SUSD5: variants seen among roughly 807,000 people sequenced by gnomAD.
The protein encoded by SUSD5 is sushi domain-containing protein 5.
A neutral mutation model predicts 29.5 loss-of-function variants in SUSD5; 33 were observed. The observed-to-expected ratio is 1.12, with a 90% CI of 0.85 to 1.49. SUSD5 has a LOEUF of 1.49. SUSD5 is among the 40% of genes most tolerant of loss of function. SUSD5 has a pLI of 0.00. For synonymous variants in SUSD5, 308 were observed against 325.3 expected (o/e 0.95, Z 0.57); for missense variants, 776 against 800.6 (o/e 0.97, Z 0.37).
At chr3:33,200,969 T>G (rs1451612691) in intron 3 of SUSD5, among the ~76,000 whole-genome samples, 1 of 152,132 alleles carries the variant, frequency 6.6e-6, no homozygotes, top group Non-Finnish European at 1.5e-5. Context: ...AATAAATGAT[T>G]TAAAGATGGA....
intron 4 of SUSD5, among the ~76,000 whole-genome samples, chr3:33,157,797 T>C (rs930328173): frequency 2.6e-5 from 4 of 152,114 alleles, no homozygotes; most frequent in Admixed American, 6.5e-5. Context: ...GAAGGAGAGG[T>C]AAACGTCCCA....
intron 3 of SUSD5, among the ~76,000 whole-genome samples, chr3:33,199,381 C>T (rs1414545779): frequency 1.3e-5 from 2 of 152,196 alleles, no homozygotes; most frequent in Admixed American, 6.5e-5. Flanking sequence ...TCACACCATT[C>T]TCCTGCCTCA....
chr3:33,189,913 C>T (rs572631070), intron 3 of SUSD5, among the ~76,000 whole-genome samples: 16 of 152,270 alleles, frequency 1.1e-4, no homozygotes, highest in Admixed American at 7.2e-4. Flanking sequence ...ATATATAAAA[C>T]CAATCTCCAA....
chr3:33,196,956 C>T (rs1031253747), intron 3 of SUSD5, among the ~76,000 whole-genome samples: 5 of 152,128 alleles, frequency 3.3e-5, no homozygotes, highest in Admixed American at 2.6e-4. Context: ...CTTTGTTGTG[C>T]CTAGTTACTC....
intron 3 of SUSD5, among the ~76,000 whole-genome samples, chr3:33,178,739 G>A (rs1421825643): frequency 3.9e-5 from 6 of 152,122 alleles, no homozygotes; most frequent in South Asian, 2.1e-4. Flanking sequence ...CGCCTGGCCC[G>A]GTCTGTAGTC....
At chr3:33,210,245 A>G (rs1046817659) in intron 2 of SUSD5, among the ~76,000 whole-genome samples, 1 of 152,200 alleles carries the variant, frequency 6.6e-6, no homozygotes, top group Non-Finnish European at 1.5e-5. Context: ...ATGGCTATAG[A>G]GTATTTGAAG....
chr3:33,170,396 G>C (rs1308479407), intron 4 of SUSD5, among the ~76,000 whole-genome samples: 1 of 152,306 alleles, frequency 6.6e-6, no homozygotes, highest in South Asian at 2.1e-4. Flanking sequence ...GAACTCTAGG[G>C]ACCAGAGCTA....
chr3:33,175,848 TCACC>T (rs955379972), intron 3 of SUSD5, among the ~76,000 whole-genome samples: 16 of 152,276 alleles, frequency 1.1e-4, no homozygotes, highest in Non-Finnish European at 1.9e-4. Flanking sequence ...TACCTCATTA[TCACC>T]CAAAGTCCAT....
chr3:33,201,622 G>A (rs2032118763), intron 3 of SUSD5, among the ~76,000 whole-genome samples: 2 of 152,174 alleles, frequency 1.3e-5, no homozygotes. Flanking sequence ...TGCCCACCTA[G>A]GCCTGGGTGT....
intron 4 of SUSD5, among the ~76,000 whole-genome samples, chr3:33,158,852 C>A (rs1465869081): frequency 6.6e-6 from 1 of 152,168 alleles, no homozygotes; most frequent in Non-Finnish European, 1.5e-5. Flanking sequence ...GCCATCACTT[C>A]ATGCACCAGC....
intron 1 of SUSD5, 42 bp downstream of exon 1, chr3:33,218,644 C>A (rs1253736476): frequency 3.2e-6 from 4 of 1,260,404 alleles, no homozygotes; most frequent in African/African-American, 3.1e-5. Flanking sequence ...CTGCCCGGAC[C>A]CCACGCTCCA....
intron 3 of SUSD5, among the ~76,000 whole-genome samples, chr3:33,189,795 T>G (rs992196710): frequency 3.9e-5 from 6 of 152,190 alleles, no homozygotes; most frequent in African/African-American, 1.4e-4. Context: ...GCCTTTGCCT[T>G]TAAGATGCAG....
Position 33,153,564 on chromosome 3 carries a change from G to GCTGT in SUSD5, c.1064_1067dup (p.Ser356ArgfsTer13). The GCTGT allele has an allele frequency of 6.2e-7, 1 of 1,613,968 alleles. No individual in the cohort carries two copies. The highest frequency in any genetic ancestry group is 8.5e-7 in the Non-Finnish European group (1 of 1,179,906). On this transcript the variant is annotated frameshift_variant, in exon 5 of 5. Coordinates refer to ENST00000309558, the MANE Select transcript of SUSD5 (RefSeq NM_015551.2). LOFTEE classifies it low-confidence loss of function (END_TRUNC). ...TGCTCACCACTGGATCTCCTGCCTT[G>GCTGT]CTGTCATTCTTGCCCACAAATGGCC... is the stretch of plus-strand genomic sequence containing the variant.
At chr3:33,183,388 G>GT (rs2031713431) in intron 3 of SUSD5, among the ~76,000 whole-genome samples, 1 of 151,538 alleles carries the variant, frequency 6.6e-6, no homozygotes, top group Admixed American at 6.6e-5. Context: ...CTTTCTTAAC[G>GT]TATCAATTAT....
At position 33,179,722 on chromosome 3, in the gene SUSD5, A is replaced by G. The variant is rs530687137; in HGVS notation, c.410-4648T>C. Among the ~76,000 whole-genome samples the G allele has an allele frequency of 2.6e-5, 4 of 152,276 alleles. No individual in the cohort carries two copies. The East Asian group carries it at 7.7e-4, about 29-fold the overall frequency. ...TCATAGTCTGGCTAGAGGCTTATCC[A>G]TTTTATTGCTCTTTTCAAAAAACCA... On this transcript the variant is annotated intron_variant, in intron 3 of 4. Transcript: ENST00000309558.
chr3:33,215,277 T>C (rs937100114), intron 1 of SUSD5, among the ~76,000 whole-genome samples: 2 of 152,098 alleles, frequency 1.3e-5, no homozygotes, highest in African/African-American at 2.4e-5. Context: ...TTAGCACTCT[T>C]GATGTAAGAA....
At chr3:33,175,123 T>C (rs2031522796) in intron 3 of SUSD5, 49 bp from the exon 4 acceptor site, 1 of 1,596,212 alleles carries the variant, frequency 6.3e-7, no homozygotes, top group Non-Finnish European at 8.6e-7. Context: ...GCGGAACTTT[T>C]TCAGCCTATG....
intron 3 of SUSD5, among the ~76,000 whole-genome samples, chr3:33,197,032 A>G (rs2032009715): frequency 6.6e-6 from 1 of 152,240 alleles, no homozygotes; most frequent in African/African-American, 2.4e-5. Context: ...GAGTGAACAC[A>G]GGGTACTACA....
At chr3:33,189,476 CTCAAAAAA>C (rs2031846335) in intron 3 of SUSD5, among the ~76,000 whole-genome samples, 1 of 43,224 alleles carries the variant, frequency 2.3e-5, no homozygotes, top group African/African-American at 7.7e-5. Context: ...GACTCTCCTT[CTCAAAAAA>C]AAAAAAAAAA....
Sources: gnomAD v4.1 joint callset for allele counts (sites outside exome capture counted in the v4.1 genomes callset) on GRCh38, gnomAD v4.1.1 for gene constraint, MANE v1.5 for transcripts, NCBI Gene and HGNC (gene_info 2026-07-23, HGNC 2026-07-21) for gene names.